RAPGEF2: variants seen among roughly 807,000 people sequenced by gnomAD.
RAPGEF2 encodes the protein Rap guanine nucleotide exchange factor 2.
Under a neutral mutation model 186.7 loss-of-function variants are expected in RAPGEF2, and 54 were observed. The ratio of observed to expected loss-of-function variants is 0.29; its 90% CI spans 0.23 to 0.36. The LOEUF is 0.36. RAPGEF2 is among the 10% of genes least tolerant of loss of function. The pLI is 1.00. For synonymous variants in RAPGEF2, 712 were observed against 705.9 expected (o/e 1.01, Z -0.14); for missense variants, 1,532 against 2,045.0 (o/e 0.75, Z 4.84).
chr4:159,290,857 A>G (rs114642947), intron 7 of RAPGEF2, among the ~76,000 whole-genome samples: 2,228 of 152,284 alleles, frequency 0.015, 21 homozygotes, highest in Non-Finnish European at 0.024. Flanking sequence ...TGCACCACAA[A>G]TGTTCAGTCA....
At chr4:159,337,758 C>T (rs1320028769) in intron 17 of RAPGEF2, among the ~76,000 whole-genome samples, 2 of 151,352 alleles carry the variant, frequency 1.3e-5, no homozygotes, top group East Asian at 2.0e-4. Flanking sequence ...GGCATGGTGG[C>T]GGACGCCTGT....
chr4:159,294,558 T>C (rs1284854708), intron 7 of RAPGEF2, among the ~76,000 whole-genome samples: 3 of 152,236 alleles, frequency 2.0e-5, no homozygotes, highest in African/African-American at 7.2e-5. Context: ...GATTTGCTTA[T>C]AGTTCATAAA....
chr4:159,135,736 A>T (rs1304074156), intron 1 of RAPGEF2, among the ~76,000 whole-genome samples: 1 of 152,092 alleles, frequency 6.6e-6, no homozygotes, highest in East Asian at 1.9e-4. Context: ...AGTAGCTGGG[A>T]TTACAGGTGC....
intron 1 of RAPGEF2, among the ~76,000 whole-genome samples, chr4:159,124,951 A>C (rs1740124881): frequency 6.6e-6 from 1 of 152,132 alleles, no homozygotes; most frequent in African/African-American, 2.4e-5. Flanking sequence ...TTGCTTATGG[A>C]AGGACATATT....
In RAPGEF2 at chr4:159,242,507, TA is replaced by T. The variant is rs1048067641; in HGVS notation, c.525+1142del. ...TATTTCTCAGAGAGCCCTTTTTATTTAAATATTTAATGTGGTTTTGACCACT... is the reference window on the plus strand; with the variant it reads ...TATTTCTCAGAGAGCCCTTTTTATTTAATATTTAATGTGGTTTTGACCACT... On this transcript the variant is annotated intron_variant, in intron 6 of 29. Coordinates refer to ENST00000691494, the MANE Select transcript of RAPGEF2 (RefSeq NM_001394067.2). Among the ~76,000 whole-genome samples, 22 of 152,168 alleles carry T rather than the reference TA, an allele frequency of 1.4e-4. 1 individual carries two copies. Among genetic ancestry groups the T allele is most frequent in the African/African-American group, 4.8e-4 (20 of 41,566 alleles).
Position 159,354,043 on chromosome 4 carries a change from A to G in RAPGEF2, c.4648A>G (p.Ile1550Val). Residue 1550 changes from isoleucine (I) to valine (V), a missense_variant, in exon 28 of 30, where the codon ATT becomes GTT. Coordinates refer to ENST00000691494, the MANE Select transcript of RAPGEF2 (RefSeq NM_001394067.2). ...GGCATCAAGTACTACAAAGGGGCTC[A>G]TTGGTAAGTTTTAAAATTGGGGGAC... ...AVASSTTKGL[I>V]ARKEGRYREP... 6.4e-7 allele frequency: 1 copy of G among 1,559,194 alleles called. No individual in the cohort carries two copies. Among genetic ancestry groups the G allele is most frequent in the East Asian group, 2.3e-5 (1 of 44,414 alleles).
intron 7 of RAPGEF2, among the ~76,000 whole-genome samples, chr4:159,255,383 G>A (rs1056772377): frequency 2.1e-5 from 3 of 145,862 alleles, no homozygotes; most frequent in African/African-American, 7.6e-5. Flanking sequence ...TGGTGCCTTT[G>A]TGCTGCCTTC....
intron 1 of RAPGEF2, among the ~76,000 whole-genome samples, chr4:159,120,453 G>A (rs1250874145): frequency 6.6e-6 from 1 of 152,088 alleles, no homozygotes; most frequent in African/African-American, 2.4e-5. Context: ...TTTCATATTG[G>A]TTGTTATACA....
chr4:159,121,341 C>G (rs1329602205), intron 1 of RAPGEF2, among the ~76,000 whole-genome samples: 2 of 151,854 alleles, frequency 1.3e-5, no homozygotes, highest in African/African-American at 2.4e-5. Context: ...CTCCCCTCCC[C>G]TCCCCTTCCT....
chr4:159,189,634 C>T (rs1158705416), intron 2 of RAPGEF2, among the ~76,000 whole-genome samples: 2 of 152,122 alleles, frequency 1.3e-5, no homozygotes, highest in Admixed American at 6.5e-5. Flanking sequence ...GCCTTTAGAT[C>T]TTTGAGTAGT....
At chr4:159,266,895 T>G in intron 7 of RAPGEF2, 1 of 178,724 alleles carries the variant, frequency 5.6e-6, no homozygotes, top group Non-Finnish European at 1.2e-5. Context: ...TTATTTGGAG[T>G]CAGCAATCAA....
chr4:159,220,951 A>C (rs951866082), intron 4 of RAPGEF2, among the ~76,000 whole-genome samples: 1 of 152,234 alleles, frequency 6.6e-6, no homozygotes, highest in Non-Finnish European at 1.5e-5. Context: ...AATTTATTTA[A>C]TGTCAGGTTG....
intron 7 of RAPGEF2, among the ~76,000 whole-genome samples, chr4:159,258,238 A>G (rs1453154869): frequency 3.3e-5 from 5 of 152,214 alleles, no homozygotes; most frequent in Non-Finnish European, 2.9e-5. Context: ...AAAGAGAGGG[A>G]GAAATTAGGT....
intron 19 of RAPGEF2, 63 bp downstream of exon 19, chr4:159,339,417 G>A (rs1295626403): frequency 2.3e-5 from 36 of 1,534,250 alleles, no homozygotes; most frequent in Middle Eastern, 1.8e-4. Context: ...CAAAGTCTAA[G>A]AGATGAGCAA....
intron 1 of RAPGEF2, among the ~76,000 whole-genome samples, chr4:159,138,386 GC>G (rs1741953080): frequency 6.6e-6 from 1 of 152,176 alleles, no homozygotes; most frequent in Non-Finnish European, 1.5e-5. Flanking sequence ...TAATACTGAT[GC>G]ATTTGGTTTG....
intron 4 of RAPGEF2, among the ~76,000 whole-genome samples, chr4:159,213,104 A>G (rs775938264): frequency 2.2e-4 from 33 of 152,298 alleles, no homozygotes; most frequent in Admixed American, 7.2e-4. Context: ...CGGAATGACA[A>G]GCCAGTACTA....
intron 1 of RAPGEF2, among the ~76,000 whole-genome samples, chr4:159,145,822 G>A (rs532229644): frequency 1.3e-5 from 2 of 152,212 alleles, no homozygotes; most frequent in Non-Finnish European, 2.9e-5. Context: ...GTGCCATGTG[G>A]ATTGGTTGGA....
intron 2 of RAPGEF2, among the ~76,000 whole-genome samples, chr4:159,190,572 C>T (rs1748016567): frequency 6.6e-6 from 1 of 152,182 alleles, no homozygotes; most frequent in Non-Finnish European, 1.5e-5. Context: ...ATACCCGAGA[C>T]TGGGTAATTT....
intron 4 of RAPGEF2, chr4:159,229,635 A>G (rs767878028): frequency 3.3e-5 from 5 of 152,170 alleles, no homozygotes; most frequent in African/African-American, 4.8e-5. Flanking sequence ...GTTTGTCTTC[A>G]TATTTTTGGT....
Sources: allele counts gnomAD v4.1 joint callset (sites outside exome capture counted in the v4.1 genomes callset), GRCh38; gene constraint gnomAD v4.1.1; transcripts MANE v1.5; gene names NCBI Gene and HGNC (gene_info 2026-07-23, HGNC 2026-07-21).